Variants in HSPA4L observed in about 807,000 individuals in gnomAD.
HSPA4L encodes the protein heat shock 70 kDa protein 4L.
A neutral mutation model predicts 100.3 loss-of-function variants in HSPA4L; 48 were observed. That is an observed-to-expected ratio of 0.48 (90% CI 0.38 to 0.61). The LOEUF (loss-of-function observed/expected upper bound fraction) is 0.61, where lower values mean the gene tolerates loss of function less well. HSPA4L is among the 20% of genes least tolerant of loss of function. The probability of loss-of-function intolerance (pLI) is 0.00; values close to 1 mark genes in which losing one functional copy is unlikely to be tolerated. For missense variants in HSPA4L, 886 were observed against 988.6 expected, an observed-to-expected ratio of 0.90 and a Z score of 1.39; for synonymous variants, 319 against 328.2, an observed-to-expected ratio of 0.97 and a Z score of 0.30.
chr4:127,781,984 C>T (rs1282955552), upstream of HSPA4L: 4 of 447,190 alleles, frequency 8.9e-6, no homozygotes, highest in Non-Finnish European at 1.8e-5. Flanking sequence ...CGCAAAGCCC[C>T]GGGCCGGCCG....
chr4:127,814,378 T>G (rs927484406), intron 12 of HSPA4L, among the ~76,000 whole-genome samples: 4 of 152,206 alleles, frequency 2.6e-5, no homozygotes, highest in East Asian at 1.9e-4. Flanking sequence ...CTTGGCATTG[T>G]TGGTGAGCAC....
chr4:127,801,215 G>A lies in HSPA4L; in HGVS notation c.507G>A (p.Arg169=). The A allele has an allele frequency of 6.2e-7, 1 of 1,611,160 alleles. No individual in the cohort carries two copies. Among genetic ancestry groups the A allele is most frequent in the Non-Finnish European group, 8.5e-7 (1 of 1,178,486 alleles). ...AAQVAGLNCL[R]LMNETTAVAL... Reference sequence around the variant, plus strand: ...AGGTTGCAGGCTTAAATTGTTTAAGGTTGATGAATGAAACTACTGCAGGTG... The same window carrying A: ...AGGTTGCAGGCTTAAATTGTTTAAGATTGATGAATGAAACTACTGCAGGTG... Residue 169 remains arginine, a synonymous_variant, in exon 5 of 19, where the codon AGG becomes AGA. Coordinates refer to ENST00000296464, the MANE Select transcript of HSPA4L (RefSeq NM_014278.4).
intron 1 of HSPA4L, among the ~76,000 whole-genome samples, chr4:127,792,887 T>C (rs1201698891): frequency 6.6e-6 from 1 of 152,198 alleles, no homozygotes; most frequent in African/African-American, 2.4e-5. Flanking sequence ...TGGATGTATT[T>C]TCTGAACACT....
In HSPA4L at chr4:127,801,399, A is replaced by G. The variant is rs535034221; in HGVS notation, c.529+162A>G. The stretch of plus-strand genomic sequence containing the variant: ...AGCTATGATCATACCACTGCACTTC[A>G]GCCTGTGAGGCAGAGCTAGACACAG... On this transcript the variant is annotated intron_variant, in intron 5 of 18. Coordinates refer to ENST00000296464, the MANE Select transcript of HSPA4L (RefSeq NM_014278.4). Among the ~76,000 whole-genome samples, 11 of 152,098 alleles carry G rather than the reference A, an allele frequency of 7.2e-5. 1 individual carries two copies. The South Asian group carries it at 2.3e-3, about 32-fold the overall frequency.
intron 14 of HSPA4L, among the ~76,000 whole-genome samples, chr4:127,821,497 T>C (rs1297169953): frequency 1.3e-5 from 2 of 152,186 alleles, no homozygotes; most frequent in Non-Finnish European, 1.5e-5. Context: ...GTTATTTCTT[T>C]GCTTTTGTTC....
intron 12 of HSPA4L, 42 bp downstream of exon 12, chr4:127,811,678 G>C: frequency 6.6e-6 from 9 of 1,365,096 alleles, no homozygotes; most frequent in Non-Finnish European, 9.2e-6. Context: ...AATAGATAGT[G>C]TATACAGTAT....
chr4:127,826,318 C>T (rs983492352), intron 16 of HSPA4L, among the ~76,000 whole-genome samples: 2 of 152,004 alleles, frequency 1.3e-5, no homozygotes, highest in Non-Finnish European at 2.9e-5. Flanking sequence ...AGAAGGATCA[C>T]TTGAGCCCAG....
At chr4:127,782,782 A>G (rs2148771558) in intron 1 of HSPA4L, 125 bp downstream of exon 1, 3 of 685,186 alleles carry the variant, frequency 4.4e-6, no homozygotes, top group African/African-American at 1.8e-5. Flanking sequence ...CCGAGATGAC[A>G]GGTGCAACCC....
intron 12 of HSPA4L, among the ~76,000 whole-genome samples, chr4:127,812,273 G>C (rs956294960): frequency 6.6e-6 from 1 of 151,910 alleles, no homozygotes; most frequent in Non-Finnish European, 1.5e-5. Context: ...GCCGGGCGTG[G>C]TGGCAGGTAC....
At position 127,833,083 on chromosome 4, in the gene HSPA4L, C is replaced by T. The variant is rs1052431215; in HGVS notation, c.*209C>T. On this transcript the variant is annotated 3_prime_UTR_variant, in exon 19 of 19. Transcript: ENST00000296464. ...TGCAGTGTTAGCCGAATTAGATTTA[C>T]AAGACAATCTAAGCTTTCCGGATAA... 7.6e-6 allele frequency: 3 copies of T among 396,198 alleles called. No homozygotes were observed. Among genetic ancestry groups the T allele is most frequent in the African/African-American group, 4.1e-5 (2 of 48,564 alleles). 24.5% of individuals were successfully genotyped at this position (396,198 alleles called of 1,614,324 possible).
chr4:127,782,273 C>A, upstream of HSPA4L: 1 of 445,816 alleles, frequency 2.2e-6, no homozygotes, highest in Non-Finnish European at 4.1e-6. Flanking sequence ...GGCAGCCGAG[C>A]GCGCAGGCGC....
At chr4:127,801,344 G>A (rs909861887) in intron 5 of HSPA4L, 107 bp downstream of exon 5, 11 of 768,936 alleles carry the variant, frequency 1.4e-5, no homozygotes, top group Non-Finnish European at 2.0e-5. Context: ...CAAGAGGATT[G>A]CTTGAGCCTG....
At chr4:127,802,797 A>G (rs1358061602) in intron 6 of HSPA4L, among the ~76,000 whole-genome samples, 2 of 152,154 alleles carry the variant, frequency 1.3e-5, no homozygotes, top group African/African-American at 2.4e-5. Flanking sequence ...AGGTCTATAC[A>G]TGGATTCTCC....
chr4:127,798,579 G>C lies in HSPA4L; in HGVS notation c.307-8G>C. 6.2e-7 allele frequency: 1 copy of C among 1,611,918 alleles called. No individual in the cohort carries two copies. The highest frequency in any genetic ancestry group is 8.5e-7 in the Non-Finnish European group (1 of 1,178,922). On this transcript the variant is annotated splice_polypyrimidine_tract_variant and splice_region_variant and intron_variant, in intron 3 of 18. Transcript: ENST00000296464. ...ACTCTTAATAAATATCCCAACTTTT[G>C]GTGTTAGGTGCGGTACTTAGAGGAA...
chr4:127,785,791 G>C (rs762407044), intron 1 of HSPA4L, among the ~76,000 whole-genome samples: 1 of 152,122 alleles, frequency 6.6e-6, no homozygotes, highest in Non-Finnish European at 1.5e-5. Flanking sequence ...ACTATCAGTT[G>C]TAGTGTCTGT....
At position 127,801,897 on chromosome 4, in the gene HSPA4L, T is replaced by C; in HGVS notation, c.642T>C (p.Ala214=). ...CTGCCTATCAGGTCTTGGTTTGTGC[T>C]TTTAACAAAGGAAAACTTAAAGTAA... ...GHSAYQVLVC[A]FNKGKLKVLA... is the part of the protein sequence containing the mutation. The change falls in exon 6 of 19, where the codon GCT becomes GCC. Residue 214 remains alanine, a synonymous_variant. Coordinates refer to ENST00000296464, the MANE Select transcript of HSPA4L (RefSeq NM_014278.4). 6.2e-7 allele frequency: 1 copy of C among 1,600,800 alleles called. No homozygotes were observed. The highest frequency in any genetic ancestry group is 1.3e-5 in the African/African-American group (1 of 74,226).
chr4:127,796,587 T>C (rs1733028146), intron 3 of HSPA4L, among the ~76,000 whole-genome samples: 1 of 152,150 alleles, frequency 6.6e-6, no homozygotes, highest in Admixed American at 6.5e-5. Context: ...AACTGATGAG[T>C]AGATATACAA....
intron 17 of HSPA4L, among the ~76,000 whole-genome samples, chr4:127,828,528 T>A (rs1385457849): frequency 6.6e-6 from 1 of 152,118 alleles, no homozygotes; most frequent in Non-Finnish European, 1.5e-5. Context: ...CTAACCAGTC[T>A]GACATCAATA....
At chr4:127,807,961 TTTGTTTCTAAG>T in intron 10 of HSPA4L, 24 bp from the exon 11 acceptor site, 1 of 1,584,512 alleles carries the variant, frequency 6.3e-7, no homozygotes, top group Non-Finnish European at 8.5e-7. Flanking sequence ...CAACTTTCTA[TTTGTTTCTAAG>T]TGAGTTCTTT....
Sources: gnomAD v4.1 joint callset for allele counts (sites outside exome capture counted in the v4.1 genomes callset) on GRCh38, gnomAD v4.1.1 for gene constraint, MANE v1.5 for transcripts, NCBI Gene and HGNC (gene_info 2026-07-23, HGNC 2026-07-21) for gene names.